The following ADAMTSL1 variants were observed in gnomAD, a reference collection of about 807,000 sequenced individuals.
ADAMTSL1 encodes the protein ADAMTS-like protein 1.
In ADAMTSL1, 126 loss-of-function variants were observed where a neutral mutation model predicts 201.8. That is an observed-to-expected ratio of 0.62 (90% CI 0.54 to 0.72). The LOEUF (loss-of-function observed/expected upper bound fraction) is 0.72. ADAMTSL1 is among the 30% of genes least tolerant of loss of function. ADAMTSL1 has a pLI of 0.00. For synonymous variants in ADAMTSL1, 1,121 were observed against 903.4 expected (o/e 1.24, Z -4.32); for missense variants, 2,679 against 2,277.8 (o/e 1.18, Z -3.59).
At chr9:18,202,504 T>C (rs772638701) in intron 2 of ADAMTSL1, among the ~76,000 whole-genome samples, 23 of 152,214 alleles carry the variant, frequency 1.5e-4, no homozygotes, top group Non-Finnish European at 3.1e-4. Flanking sequence ...TTGGACTTTA[T>C]TTATTACTTA....
chr9:17,981,753 G>A (rs1036124750), intron 1 of ADAMTSL1, among the ~76,000 whole-genome samples: 2 of 152,118 alleles, frequency 1.3e-5, no homozygotes, highest in South Asian at 4.1e-4. Context: ...GTTAGATACA[G>A]GTTCTGTTTG....
chr9:18,165,825 G>A (rs527240174), intron 2 of ADAMTSL1, among the ~76,000 whole-genome samples: 3 of 152,032 alleles, frequency 2.0e-5, no homozygotes, highest in African/African-American at 7.2e-5. Context: ...CTTTGAAAGT[G>A]TAACTTTATT....
At chr9:18,474,346 C>T in intron 1 of ADAMTSL1, 51 bp downstream of exon 1, 1 of 1,579,886 alleles carries the variant, frequency 6.3e-7, no homozygotes, top group African/African-American at 1.3e-5. Context: ...AGTCTGGGTG[C>T]TGTTGGGGGT....
chr9:18,326,205 G>A (rs762416065), intron 2 of ADAMTSL1, among the ~76,000 whole-genome samples: 5 of 152,150 alleles, frequency 3.3e-5, no homozygotes, highest in African/African-American at 1.2e-4. Context: ...AACCATAGCA[G>A]CTGTGATGTA....
chr9:18,342,517 T>G (rs1343664593), intron 2 of ADAMTSL1, among the ~76,000 whole-genome samples: 1 of 152,160 alleles, frequency 6.6e-6, no homozygotes, highest in Non-Finnish European at 1.5e-5. Flanking sequence ...CTCTCTAAGT[T>G]AGAGAATTAT....
chr9:17,932,584 G>A (rs1826838907), intron 1 of ADAMTSL1, among the ~76,000 whole-genome samples: 1 of 152,030 alleles, frequency 6.6e-6, no homozygotes, highest in Non-Finnish European at 1.5e-5. Flanking sequence ...TAGTTTCTTG[G>A]GTGATTTCTG....
intron 2 of ADAMTSL1, chr9:18,360,709 C>T (rs1418087484): frequency 1.3e-5 from 2 of 152,142 alleles, no homozygotes; most frequent in African/African-American, 4.8e-5. Context: ...TTGAGAAACA[C>T]TGCACTTAAT....
intron 2 of ADAMTSL1, among the ~76,000 whole-genome samples, chr9:18,224,325 T>G (rs938259625): frequency 6.6e-6 from 1 of 151,826 alleles, no homozygotes; most frequent in Non-Finnish European, 1.5e-5. Context: ...AGGAGGGGAG[T>G]GCTGTGTCCT....
chr9:18,156,661 C>T (rs908745584), intron 1 of ADAMTSL1, among the ~76,000 whole-genome samples: 1 of 151,232 alleles, frequency 6.6e-6, no homozygotes, highest in African/African-American at 2.4e-5. Flanking sequence ...CACACACACA[C>T]ATGCTTTGAA....
chr9:18,534,349 C>A (rs189700165), intron 3 of ADAMTSL1, among the ~76,000 whole-genome samples: 1 of 152,064 alleles, frequency 6.6e-6, no homozygotes, highest in East Asian at 1.9e-4. Context: ...GGGAGCATAG[C>A]AAAACCCTGT....
chr9:18,885,859 G>A lies in ADAMTSL1; in HGVS notation c.4250-1972G>A, dbSNP rs116267008. Among the ~76,000 whole-genome samples, 815 of 152,128 alleles carry A rather than the reference G, an allele frequency of 5.4e-3. 4 individuals are homozygous for A. The highest frequency in any genetic ancestry group is 0.017 in the Middle Eastern group (5 of 294). The stretch of plus-strand genomic sequence containing the variant: ...ACACGGTCCAGGCGTCGGATAGAAG[G>A]CCTGCCGCACAATCTCAGGAAGGTC... On this transcript the variant is annotated intron_variant, in intron 23 of 28. Coordinates refer to ENST00000380548, the MANE Select transcript of ADAMTSL1 (RefSeq NM_001040272.6).
chr9:18,029,169 G>T (rs970906951), intron 1 of ADAMTSL1, among the ~76,000 whole-genome samples: 39 of 152,236 alleles, frequency 2.6e-4, no homozygotes, highest in South Asian at 2.3e-3. Context: ...GGGCTGAGAT[G>T]ATGGGGTTTT....
At chr9:17,980,176 C>T (rs1195281367) in intron 1 of ADAMTSL1, among the ~76,000 whole-genome samples, 1 of 152,110 alleles carries the variant, frequency 6.6e-6, no homozygotes, top group Non-Finnish European at 1.5e-5. Flanking sequence ...TAGTTCTGTG[C>T]TCCACCCAGA....
At chr9:18,043,900 C>T (rs940457179) in intron 1 of ADAMTSL1, among the ~76,000 whole-genome samples, 2 of 150,272 alleles carry the variant, frequency 1.3e-5, no homozygotes, top group Non-Finnish European at 3.0e-5. Flanking sequence ...TATCCTCTTT[C>T]TTCATTCCCC....
chr9:18,337,286 C>A (rs552845996), intron 2 of ADAMTSL1, among the ~76,000 whole-genome samples: 2 of 152,222 alleles, frequency 1.3e-5, no homozygotes, highest in East Asian at 3.9e-4. Context: ...GGCTCTAGGG[C>A]CTTCAGCCAC....
chr9:18,657,417 G>A (rs550572175), intron 7 of ADAMTSL1, among the ~76,000 whole-genome samples: 1 of 152,270 alleles, frequency 6.6e-6, no homozygotes, highest in Admixed American at 6.5e-5. Context: ...CTTGCTCTGT[G>A]GCAACAGAAC....
At chr9:18,037,778 G>T (rs980963154) in intron 1 of ADAMTSL1, among the ~76,000 whole-genome samples, 5 of 152,146 alleles carry the variant, frequency 3.3e-5, no homozygotes, top group Admixed American at 2.0e-4. Context: ...AAGTAAAATT[G>T]TTCCATATAA....
intron 4 of ADAMTSL1, among the ~76,000 whole-genome samples, chr9:18,615,709 G>A (rs192343491): frequency 6.6e-6 from 1 of 152,248 alleles, no homozygotes; most frequent in Admixed American, 6.5e-5. Context: ...ATGGATAATT[G>A]TCTAAAAGGT....
intron 7 of ADAMTSL1, 83 bp from the exon 8 acceptor site, chr9:18,657,556 C>A: frequency 1.0e-6 from 1 of 993,090 alleles, no homozygotes; most frequent in Non-Finnish European, 1.6e-6. Context: ...ATCAGCACTA[C>A]CATATACTCT....
Sources: allele counts gnomAD v4.1 joint callset (sites outside exome capture counted in the v4.1 genomes callset), GRCh38; gene constraint gnomAD v4.1.1; transcripts MANE v1.5; gene names NCBI Gene and HGNC (gene_info 2026-07-23, HGNC 2026-07-21).